SLC35A5: variants seen among roughly 807,000 people sequenced by gnomAD.
SLC35A5 encodes the protein solute carrier family 35 member A5.
Under a neutral mutation model 36.3 loss-of-function variants are expected in SLC35A5, and 28 were observed. That is an observed-to-expected ratio of 0.77 (90% CI 0.57 to 1.06). SLC35A5 has a LOEUF of 1.06. Ranked by LOEUF, SLC35A5 falls within the 50% of genes least tolerant of loss-of-function variation. The pLI is 0.00. For missense variants in SLC35A5, 521 were observed against 499.3 expected (o/e 1.04, Z -0.41); for synonymous variants, 180 against 173.7 (o/e 1.04, Z -0.29).
chr3:112,567,205 A>C (rs773201547), intron 2 of SLC35A5, among the ~76,000 whole-genome samples: 26 of 150,552 alleles, frequency 1.7e-4, no homozygotes, highest in Non-Finnish European at 3.1e-4. Context: ...CAGCCTGGGC[A>C]ACAGAGCAAG....
At chr3:112,572,517 A>C (rs1047380638) in intron 4 of SLC35A5, among the ~76,000 whole-genome samples, 9 of 152,090 alleles carry the variant, frequency 5.9e-5, no homozygotes, top group Admixed American at 6.5e-5. Context: ...ATTTTATTGT[A>C]TTTTATCACA....
Position 112,577,440 on chromosome 3 carries a change from T to C in SLC35A5, c.429-3106T>C, listed in dbSNP as rs138458173. On this transcript the variant is annotated intron_variant, in intron 5 of 6. Coordinates refer to ENST00000492406, the MANE Select transcript of SLC35A5 (RefSeq NM_017945.5). ...GAATGTATAGATTTGTTCTTTGAAG[T>C]ATAAGCCACTGGTTCATGGTAGAAA... is the stretch of plus-strand genomic sequence containing the variant. 6.0e-3 allele frequency among the ~76,000 whole-genome samples: 909 copies of C among 152,344 alleles called. 10 individuals are homozygous for C. Among genetic ancestry groups the C allele is most frequent in the African/African-American group, 0.021 (883 of 41,576 alleles).
chr3:112,562,616 A>G (rs1197933154), intron 1 of SLC35A5, among the ~76,000 whole-genome samples: 1 of 152,192 alleles, frequency 6.6e-6, no homozygotes, highest in Non-Finnish European at 1.5e-5. Flanking sequence ...AACACTAACT[A>G]GTTCAGTAAA....
At chr3:112,561,475 G>A (rs1459142556), upstream of SLC35A5, 11 of 1,607,406 alleles carry the variant, frequency 6.8e-6, no homozygotes, top group African/African-American at 2.7e-5. Flanking sequence ...CCGGGGTCAG[G>A]TACTCAGCCA....
In SLC35A5 at chr3:112,572,359, G is replaced by T. The variant is rs183456638; in HGVS notation, c.361-1530G>T. Among the ~76,000 whole-genome samples the T allele has an allele frequency of 2.0e-4, 30 of 152,154 alleles. 1 individual carries two copies. In the East Asian group the frequency reaches 2.3e-3, roughly 12 times the overall value. ...AATAATATACTAGTTCAAAGGCAGG[G>T]AACTGGGCCAGGTGATCACCTGAAG... On this transcript the variant is annotated intron_variant, in intron 4 of 6. Coordinates refer to ENST00000492406, the MANE Select transcript of SLC35A5 (RefSeq NM_017945.5).
chr3:112,569,896 T>C (rs1018645362), intron 3 of SLC35A5, among the ~76,000 whole-genome samples: 2 of 152,234 alleles, frequency 1.3e-5, no homozygotes, highest in Non-Finnish European at 2.9e-5. Context: ...CTTTAGAGCA[T>C]TGAAGTGTTT....
chr3:112,565,209 C>A (rs1934141171), intron 2 of SLC35A5, among the ~76,000 whole-genome samples: 1 of 152,170 alleles, frequency 6.6e-6, no homozygotes. Flanking sequence ...GTAAACACAT[C>A]ATGAAAATCC....
chr3:112,565,894 T>C (rs551138541), intron 2 of SLC35A5, among the ~76,000 whole-genome samples: 1 of 152,328 alleles, frequency 6.6e-6, no homozygotes, highest in East Asian at 1.9e-4. Context: ...GCTGGGACCT[T>C]AGTCTCTAGG....
intron 5 of SLC35A5, among the ~76,000 whole-genome samples, chr3:112,575,557 A>T (rs1489639117): frequency 6.6e-6 from 1 of 151,942 alleles, no homozygotes; most frequent in East Asian, 1.9e-4. Flanking sequence ...CATTTTGCTA[A>T]TTTTAATAAT....
At position 112,581,166 on chromosome 3, in the gene SLC35A5, T is replaced by A. The variant is rs527530245; in HGVS notation, c.1049T>A (p.Val350Asp). The A allele has an allele frequency of 1.2e-6, 2 of 1,614,020 alleles. No homozygotes were observed. The highest frequency in any genetic ancestry group is 1.3e-5 in the African/African-American group (1 of 75,014). Residue 350 changes from valine to aspartate, a missense_variant, in exon 6 of 7, where the codon GTC becomes GAC. Transcript: ENST00000492406. ...ATTATCACAACAGTGTCTGTCCTGG[T>A]CTTTGACTTCAGGCCCTCCCTGGAA... ...TVIITTVSVL[V>D]FDFRPSLEFF...
rs1210059999 is a variant in SLC35A5, at chr3:112,571,638, C to T, written c.360+968C>T. ...GCACAGTTCCACAAGGCTGGGGAGG[C>T]CTCACAGTCATGGCGGAAGGCGAAA... On this transcript the variant is annotated intron_variant, in intron 4 of 6. Coordinates refer to ENST00000492406, the MANE Select transcript of SLC35A5 (RefSeq NM_017945.5). 2.0e-5 allele frequency among the ~76,000 whole-genome samples: 3 copies of T among 152,122 alleles called. No individual in the cohort carries two copies. The East Asian group carries it at 5.8e-4, about 29-fold the overall frequency.
chr3:112,570,441 C>T, intron 3 of SLC35A5, 99 bp from the exon 4 acceptor site: 2 of 1,331,762 alleles, frequency 1.5e-6, no homozygotes, highest in Non-Finnish European at 2.0e-6. Flanking sequence ...GTTTATAAAG[C>T]TCCCTTTAAA....
intron 5 of SLC35A5, among the ~76,000 whole-genome samples, chr3:112,577,900 C>T (rs2107442846): frequency 6.6e-6 from 1 of 152,286 alleles, no homozygotes; most frequent in East Asian, 1.9e-4. Flanking sequence ...GTGTTTTGTA[C>T]AGTTTCTTGA....
chr3:112,573,429 A>G (rs1014429356), intron 4 of SLC35A5, among the ~76,000 whole-genome samples: 4 of 152,232 alleles, frequency 2.6e-5, no homozygotes, highest in Non-Finnish European at 5.9e-5. Flanking sequence ...CTGCAGTTCA[A>G]CCAGGAAAAT....
intron 5 of SLC35A5, 121 bp downstream of exon 5, chr3:112,574,077 C>G: frequency 1.2e-6 from 1 of 818,306 alleles, no homozygotes; most frequent in Non-Finnish European, 2.0e-6. Flanking sequence ...TCCTAATTGA[C>G]TTTGTGTACT....
At chr3:112,580,118 C>A (rs1343390504) in intron 5 of SLC35A5, among the ~76,000 whole-genome samples, 1 of 136,472 alleles carries the variant, frequency 7.3e-6, no homozygotes, top group Non-Finnish European at 1.7e-5. Flanking sequence ...GCAGGATCTC[C>A]TGCATAGGGG....
At chr3:112,566,789 TAAAG>T in intron 2 of SLC35A5, among the ~76,000 whole-genome samples, 1 of 152,212 alleles carries the variant, frequency 6.6e-6, no homozygotes, top group Non-Finnish European at 1.5e-5. Flanking sequence ...AAAGGGCAGA[TAAAG>T]AACGTTGATA....
chr3:112,564,540 C>G (rs913276363), intron 2 of SLC35A5, among the ~76,000 whole-genome samples: 1 of 152,152 alleles, frequency 6.6e-6, no homozygotes, highest in African/African-American at 2.4e-5. Flanking sequence ...TGCCCAGGGA[C>G]GAGCAGGAGA....
intron 4 of SLC35A5, 115 bp from the exon 5 acceptor site, chr3:112,573,774 A>C (rs1357180170): frequency 5.1e-5 from 38 of 752,450 alleles, no homozygotes; most frequent in Non-Finnish European, 4.2e-5. Context: ...CTACCTTAAT[A>C]ACCCCTCTGT....
Sources: allele counts gnomAD v4.1 joint callset (sites outside exome capture counted in the v4.1 genomes callset), GRCh38; gene constraint gnomAD v4.1.1; transcripts MANE v1.5; gene names NCBI Gene and HGNC (gene_info 2026-07-23, HGNC 2026-07-21).